Variants in MICU2 observed in about 807,000 individuals in gnomAD.
MICU2 encodes the protein mitochondrial calcium uptake 2, also known as calcium uptake protein 2, mitochondrial.
Under a neutral mutation model 60.4 loss-of-function variants are expected in MICU2, and 64 were observed. The observed-to-expected ratio is 1.06, with a 90% CI of 0.87 to 1.31. The LOEUF is 1.31. Among genes scored for constraint, MICU2 ranks in the 50% most tolerant of loss-of-function variants. The pLI is 0.00. For synonymous variants in MICU2, 201 were observed against 175.0 expected, an observed-to-expected ratio of 1.15 and a Z score of -1.17; for missense variants, 569 against 531.0, an observed-to-expected ratio of 1.07 and a Z score of -0.70.
In MICU2 at chr13:21,495,242, G is replaced by A; in HGVS notation, c.1119C>T (p.Ile373=). 6.2e-7 allele frequency: 1 copy of A among 1,613,398 alleles called. No individual in the cohort carries two copies. Among genetic ancestry groups the A allele is most frequent in the Non-Finnish European group, 8.5e-7 (1 of 1,179,686 alleles). Residue 373 remains isoleucine, a synonymous_variant, in exon 11 of 12, where the codon ATC becomes ATT. Transcript: ENST00000382374. Reference sequence around the variant, plus strand: ...GACATTCATCACCATCCAAATCAAAGATCTTAAAGACAGTGTCCAAAATAT... The same window carrying A: ...GACATTCATCACCATCCAAATCAAAAATCTTAAAGACAGTGTCCAAAATAT... The part of the protein sequence containing the change: ...SNNILDTVFK[I]FDLDGDECLS...
chr13:21,493,363 G>C lies in MICU2; in HGVS notation c.1201-10C>G. The C allele has an allele frequency of 1.9e-6, 3 of 1,576,156 alleles. No homozygotes were observed. Among genetic ancestry groups the C allele is most frequent in the East Asian group, 2.3e-5 (1 of 43,932 alleles). On this transcript the variant is annotated splice_polypyrimidine_tract_variant and intron_variant, in intron 11 of 11. Transcript: ENST00000382374. ...TCTGATGTTGTGGTACCTGTTAACC[G>C]AAAGTAAAAATCAAGGGGTCATTGT...
chr13:21,579,631 C>T (rs1888304310), intron 1 of MICU2, among the ~76,000 whole-genome samples: 1 of 152,140 alleles, frequency 6.6e-6, no homozygotes. Context: ...CGTGAGCCAC[C>T]ACGCCCGACT....
At chr13:21,500,575 C>T (rs1020106592) in intron 9 of MICU2, among the ~76,000 whole-genome samples, 9 of 151,856 alleles carry the variant, frequency 5.9e-5, no homozygotes, top group East Asian at 3.9e-4. Context: ...GCACCATGCC[C>T]GGCTACTTTT....
At chr13:21,505,882 A>G (rs1252084372) in intron 8 of MICU2, among the ~76,000 whole-genome samples, 1 of 152,194 alleles carries the variant, frequency 6.6e-6, no homozygotes, top group East Asian at 1.9e-4. Flanking sequence ...CACTTACCTC[A>G]CCTTGTAAGG....
chr13:21,534,493 C>T (rs1031078878), intron 4 of MICU2, among the ~76,000 whole-genome samples: 4 of 152,070 alleles, frequency 2.6e-5, no homozygotes, highest in Non-Finnish European at 5.9e-5. Flanking sequence ...AGGCATCAGC[C>T]ACTATGCCTG....
intron 10 of MICU2, chr13:21,495,654 G>A: frequency 4.3e-6 from 1 of 231,430 alleles, no homozygotes; most frequent in Non-Finnish European, 8.4e-6. Flanking sequence ...TCTTGCCTCG[G>A]CCTCCTGAAT....
chr13:21,579,526 G>A (rs1888302075), intron 1 of MICU2, among the ~76,000 whole-genome samples: 2 of 152,092 alleles, frequency 1.3e-5, no homozygotes, highest in South Asian at 4.1e-4. Context: ...ATTTTTAGTA[G>A]AGAAGTGGTT....
chr13:21,514,233 C>T, intron 7 of MICU2, 120 bp downstream of exon 7: 2 of 764,926 alleles, frequency 2.6e-6, no homozygotes, highest in Non-Finnish European at 4.3e-6. Flanking sequence ...TGGTGCATGA[C>T]TGTATTAAAA....
intron 2 of MICU2, among the ~76,000 whole-genome samples, chr13:21,555,100 A>G (rs1200225146): frequency 6.6e-6 from 1 of 152,242 alleles, no homozygotes; most frequent in Non-Finnish European, 1.5e-5. Flanking sequence ...TACAAGGAGA[A>G]GCTGATACCA....
chr13:21,530,795 G>T, intron 4 of MICU2: 1 of 680,562 alleles, frequency 1.5e-6, no homozygotes, highest in South Asian at 1.6e-5. Context: ...GCACCAGGAA[G>T]AGATGGCGGC....
intron 1 of MICU2, among the ~76,000 whole-genome samples, chr13:21,575,307 G>C (rs950909767): frequency 1.3e-5 from 2 of 151,612 alleles, no homozygotes; most frequent in Non-Finnish European, 2.9e-5. Context: ...TTAAATAACT[G>C]AACGGAATAC....
At chr13:21,516,714 A>G (rs937546325) in intron 6 of MICU2, among the ~76,000 whole-genome samples, 1 of 152,212 alleles carries the variant, frequency 6.6e-6, no homozygotes, top group African/African-American at 2.4e-5. Context: ...TCTTGAGTGT[A>G]GTAGTATGTC....
rs180918132 is a variant in MICU2, at chr13:21,531,113, C to T, written c.466+8189G>A. The T allele has an allele frequency of 1.3e-4, 124 of 935,630 alleles. 1 individual carries two copies. The Admixed American group carries it at 2.1e-3, about 16-fold the overall frequency. 58.0% of individuals were successfully genotyped at this position (935,630 alleles called of 1,614,324 possible). A position where few individuals can be genotyped will look rare whatever the true frequency, so the allele number is the denominator to read the frequency against. ...ATTTACAACCAAGGCATAGTTCCCCCTACCTAATTGCCTTTCTTGTGGTTA... is the reference window on the plus strand; with the variant it reads ...ATTTACAACCAAGGCATAGTTCCCCTTACCTAATTGCCTTTCTTGTGGTTA... On this transcript the variant is annotated intron_variant, in intron 4 of 11. Transcript: ENST00000382374.
chr13:21,563,196 C>T (rs980978165), intron 2 of MICU2, among the ~76,000 whole-genome samples: 8 of 152,110 alleles, frequency 5.3e-5, no homozygotes, highest in Admixed American at 5.2e-4. Context: ...TGGCTCATGC[C>T]TGTAATCCCA....
chr13:21,496,461 C>T (rs1026858336), intron 9 of MICU2: 8 of 301,116 alleles, frequency 2.7e-5, no homozygotes, highest in East Asian at 7.5e-5. Flanking sequence ...GTTTAAGCTG[C>T]CCAGCCTGTG....
intron 2 of MICU2, among the ~76,000 whole-genome samples, chr13:21,544,479 C>T (rs961506338): frequency 2.5e-5 from 1 of 40,034 alleles, no homozygotes; most frequent in African/African-American, 9.0e-5. Context: ...ATAGACACTT[C>T]AAAAAAGAAC....
chr13:21,500,451 GAC>G (rs1886123673), intron 9 of MICU2, among the ~76,000 whole-genome samples: 1 of 122,290 alleles, frequency 8.2e-6, no homozygotes, highest in African/African-American at 3.5e-5. Flanking sequence ...TTTTTTTTGA[GAC>G]AGAGTCTCAC....
intron 9 of MICU2, among the ~76,000 whole-genome samples, chr13:21,497,805 G>A (rs991913711): frequency 2.0e-5 from 3 of 152,134 alleles, no homozygotes; most frequent in African/African-American, 7.2e-5. Context: ...ACCCAGGCTG[G>A]AGTCCAGATC....
intron 1 of MICU2, among the ~76,000 whole-genome samples, chr13:21,571,793 T>C (rs760288291): frequency 7.9e-5 from 12 of 152,192 alleles, no homozygotes; most frequent in Non-Finnish European, 1.6e-4. Context: ...GGAACAGCAG[T>C]AGAGCAAGCT....
Sources: gnomAD v4.1 joint callset for allele counts (sites outside exome capture counted in the v4.1 genomes callset) on GRCh38, gnomAD v4.1.1 for gene constraint, MANE v1.5 for transcripts, NCBI Gene and HGNC (gene_info 2026-07-23, HGNC 2026-07-21) for gene names.